The following ELP4 variants were observed in gnomAD, a reference collection of about 807,000 sequenced individuals.
The protein encoded by ELP4 is elongator complex protein 4.
ELP4 carries 51 observed loss-of-function variants against 48.9 expected under a neutral mutation model. That is an observed-to-expected ratio of 1.04 (90% CI 0.83 to 1.32). The LOEUF (loss-of-function observed/expected upper bound fraction) is 1.32, where lower values mean the gene tolerates loss of function less well. Ranked by LOEUF, ELP4 falls within the 40% of genes most tolerant of loss-of-function variation. ELP4 has a pLI of 0.00. For synonymous variants in ELP4, 210 were observed against 189.2 expected (o/e 1.11, Z -0.90); for missense variants, 519 against 514.6 (o/e 1.01, Z -0.08).
At chr11:31,553,994 C>T (rs1246404768) in intron 3 of ELP4, among the ~76,000 whole-genome samples, 1 of 152,160 alleles carries the variant, frequency 6.6e-6, no homozygotes, top group African/African-American at 2.4e-5. Context: ...ATCAGATTCT[C>T]ATAGGAGCAT....
intron 9 of ELP4, among the ~76,000 whole-genome samples, chr11:31,712,653 A>G (rs1249606749): frequency 2.0e-5 from 3 of 152,166 alleles, no homozygotes; most frequent in African/African-American, 7.2e-5. Flanking sequence ...GTTAGAATTT[A>G]ATCTTTGAAA....
intron 5 of ELP4, among the ~76,000 whole-genome samples, chr11:31,609,925 A>G (rs1957945818): frequency 6.6e-6 from 1 of 152,096 alleles, no homozygotes; most frequent in Non-Finnish European, 1.5e-5. Context: ...CACATGCTGT[A>G]ATCCCAGTTA....
At chr11:31,571,505 A>G (rs1957193120) in intron 3 of ELP4, among the ~76,000 whole-genome samples, 1 of 152,146 alleles carries the variant, frequency 6.6e-6, no homozygotes, top group Admixed American at 6.5e-5. Flanking sequence ...GTTAATATTG[A>G]TATTTTGACC....
At chr11:31,570,506 C>T (rs896140226) in intron 3 of ELP4, among the ~76,000 whole-genome samples, 4 of 139,944 alleles carry the variant, frequency 2.9e-5, no homozygotes, top group East Asian at 2.1e-4. Context: ...CTCACTTTGT[C>T]GTCCAGGCTT....
rs1565084245 is a variant in ELP4 at position 31,623,381 on chromosome 11, ATATATATAT to A, written c.654-3728_654-3720del. The stretch of plus-strand genomic sequence containing the variant: ...TATATATATATATATATATATATAT[ATATATATAT>A]AAAACTAGAAACATTGCTGGCAAAG... On this transcript the variant is annotated intron_variant, in intron 5 of 9. Transcript: ENST00000640961. Among the ~76,000 whole-genome samples, 206 of 127,816 alleles carry A rather than the reference ATATATATAT, an allele frequency of 1.6e-3. 11 individuals carry two copies. In the East Asian group the frequency reaches 0.021, roughly 13 times the overall value. 83.9% of individuals were successfully genotyped at this position (127,816 alleles called of 152,430 possible).
intron 9 of ELP4, among the ~76,000 whole-genome samples, chr11:31,726,959 A>G (rs1004562980): frequency 6.6e-6 from 1 of 152,180 alleles, no homozygotes; most frequent in Non-Finnish European, 1.5e-5. Context: ...AGCTTGAGCT[A>G]TATCTTTTAA....
intron 9 of ELP4, among the ~76,000 whole-genome samples, chr11:31,695,648 C>A (rs1340564842): frequency 2.0e-5 from 3 of 150,504 alleles, no homozygotes; most frequent in Non-Finnish European, 4.4e-5. Flanking sequence ...TGTGTCTCTG[C>A]CAGGCTTTGG....
At chr11:31,757,932 G>C (rs1947865523) in intron 9 of ELP4, among the ~76,000 whole-genome samples, 1 of 152,112 alleles carries the variant, frequency 6.6e-6, no homozygotes, top group Non-Finnish European at 1.5e-5. Context: ...CTTAACATTG[G>C]AATAGTGTCT....
intron 9 of ELP4, among the ~76,000 whole-genome samples, chr11:31,738,468 C>T (rs879183786): frequency 1.1e-4 from 16 of 151,102 alleles, no homozygotes; most frequent in African/African-American, 7.3e-5. Flanking sequence ...GCATAGTGGC[C>T]GACGCCTATA....
intron 9 of ELP4, among the ~76,000 whole-genome samples, chr11:31,754,255 A>C (rs1168373895): frequency 6.6e-6 from 1 of 152,164 alleles, no homozygotes; most frequent in African/African-American, 2.4e-5. Context: ...AAATCAGATT[A>C]TGCTACTCCC....
At chr11:31,763,367 A>T in intron 9 of ELP4, 1 of 1,540,136 alleles carries the variant, frequency 6.5e-7, no homozygotes, top group Non-Finnish European at 8.8e-7. Flanking sequence ...ATCCCTTCAA[A>T]ATTACTGTTG....
intron 9 of ELP4, among the ~76,000 whole-genome samples, chr11:31,781,235 C>T (rs1417299552): frequency 1.3e-5 from 2 of 152,158 alleles, no homozygotes; most frequent in East Asian, 1.9e-4. Context: ...CAGGTCCCAA[C>T]CAAAAGTATA....
rs545065008 is a variant in ELP4, at chr11:31,547,767, A to C, written c.381+7984A>C. Among the ~76,000 whole-genome samples the C allele has an allele frequency of 1.0e-3, 155 of 152,332 alleles. 2 individuals are homozygous for C. Among genetic ancestry groups the C allele is most frequent in the African/African-American group, 3.4e-3 (140 of 41,584 alleles). ...ATACTGGCAAACCGAATCCAGCAGC[A>C]CATCAAAAAGCTTATCCACCACGAT... is the stretch of plus-strand genomic sequence containing the variant. On this transcript the variant is annotated intron_variant, in intron 3 of 9. Transcript: ENST00000640961.
At chr11:31,702,028 TAA>T (rs1946534520) in intron 9 of ELP4, among the ~76,000 whole-genome samples, 2 of 152,136 alleles carry the variant, frequency 1.3e-5, no homozygotes, top group African/African-American at 4.8e-5. Flanking sequence ...ACTTAGTAAA[TAA>T]AGTTATAGTT....
At chr11:31,632,637 C>T in intron 7 of ELP4, 1 of 385,056 alleles carries the variant, frequency 2.6e-6, no homozygotes, top group Admixed American at 4.2e-5. Flanking sequence ...TAATTTTCCT[C>T]CTATCTATGA....
chr11:31,580,644 C>T (rs1433055365), intron 3 of ELP4: 1 of 154,100 alleles, frequency 6.5e-6, no homozygotes, highest in Non-Finnish European at 1.4e-5. Flanking sequence ...TTTTCTCCTT[C>T]CCTATATAAC....
intron 5 of ELP4, among the ~76,000 whole-genome samples, chr11:31,612,442 T>C (rs879881061): frequency 2.0e-5 from 3 of 152,178 alleles, no homozygotes; most frequent in Non-Finnish European, 4.4e-5. Flanking sequence ...GTCTATCAGA[T>C]TGTGTGACTT....
chr11:31,765,035 C>A (rs1948014256), intron 9 of ELP4, among the ~76,000 whole-genome samples: 1 of 152,124 alleles, frequency 6.6e-6, no homozygotes, highest in African/African-American at 2.4e-5. Context: ...GCTACTGGCA[C>A]CCATCCCACT....
chr11:31,696,565 G>A (rs1327174773), intron 9 of ELP4, among the ~76,000 whole-genome samples: 1 of 152,078 alleles, frequency 6.6e-6, no homozygotes, highest in Non-Finnish European at 1.5e-5. Context: ...TTTTACATTT[G>A]CTGAGGAGTG....
Sources: allele counts gnomAD v4.1 joint callset (sites outside exome capture counted in the v4.1 genomes callset), GRCh38; gene constraint gnomAD v4.1.1; transcripts MANE v1.5; gene names NCBI Gene and HGNC (gene_info 2026-07-23, HGNC 2026-07-21).